The following MRTFA variants were observed in gnomAD, a reference collection of about 807,000 sequenced individuals.
MRTFA encodes myocardin-related transcription factor A.
In MRTFA, 20 loss-of-function variants were observed where a neutral mutation model predicts 83.5. That is an observed-to-expected ratio of 0.24 (90% CI 0.17 to 0.35). The LOEUF is 0.35. Among genes scored for constraint, MRTFA ranks in the 10% least tolerant of loss-of-function variants. The probability of loss-of-function intolerance (pLI) is 1.00; values close to 1 mark genes in which losing one functional copy is unlikely to be tolerated. For synonymous variants in MRTFA, 659 were observed against 541.2 expected (o/e 1.22, Z -3.02); for missense variants, 1,200 against 1,224.7 (o/e 0.98, Z 0.30).
chr22:40,598,480 A>C (rs528945337), intron 1 of MRTFA, among the ~76,000 whole-genome samples: 356 of 152,312 alleles, frequency 2.3e-3, no homozygotes, highest in Non-Finnish European at 4.3e-3. Flanking sequence ...TTTCATTTTC[A>C]GTTGGGGAAC....
In MRTFA at chr22:40,455,049, C is replaced by A. The variant is rs141574736; in HGVS notation, c.307+8172G>T. On this transcript the variant is annotated intron_variant, in intron 4 of 14. Transcript: ENST00000355630. ...TCCTGGGCTCAAGAGACCTTCCTGCCTTGGCCTCACCATGTGCTGGGACTG... is the reference window on the plus strand; with the variant it reads ...TCCTGGGCTCAAGAGACCTTCCTGCATTGGCCTCACCATGTGCTGGGACTG... 2.1e-4 allele frequency among the ~76,000 whole-genome samples: 32 copies of A among 152,304 alleles called. No homozygotes were observed. In the East Asian group the frequency reaches 6.2e-3, roughly 29 times the overall value.
Position 40,429,779 on chromosome 22 carries a change from A to G in MRTFA, c.440-12T>C. ...CTCAGCCGAGGTCTCTGCCCATGGG[A>G]GAGAAAGGGGTGCAGGAAGATATAT... On this transcript the variant is annotated splice_polypyrimidine_tract_variant and intron_variant, in intron 6 of 14. Coordinates refer to ENST00000355630, the MANE Select transcript of MRTFA (RefSeq NM_020831.6). 1 of 1,601,964 alleles carries G rather than the reference A, an allele frequency of 6.2e-7. No individual in the cohort carries two copies. Among genetic ancestry groups the G allele is most frequent in the Non-Finnish European group, 8.5e-7 (1 of 1,174,300 alleles).
In MRTFA at chr22:40,463,212, G is replaced by C. The variant is rs2053746137; in HGVS notation, c.307+9C>G. 6.2e-7 allele frequency: 1 copy of C among 1,613,116 alleles called. No individual in the cohort carries two copies. Among genetic ancestry groups the C allele is most frequent in the South Asian group, 1.1e-5 (1 of 91,052 alleles). On this transcript the variant is annotated intron_variant, in intron 4 of 14. Coordinates refer to ENST00000355630, the MANE Select transcript of MRTFA (RefSeq NM_020831.6). ...AATCTACCAAATGCTGAGAGAGAGA[G>C]GCACTTACGCGGCATGATCCCTTGG... is the stretch of plus-strand genomic sequence containing the variant.
intron 1 of MRTFA, among the ~76,000 whole-genome samples, chr22:40,595,863 CTTTTTTTTTTT>C (rs35215701): frequency 2.6e-5 from 2 of 78,116 alleles, no homozygotes; most frequent in African/African-American, 9.7e-5. Flanking sequence ...TATCTAAAGT[CTTTTTTTTTTT>C]TTTTTTTTTT....
intron 14 of MRTFA, among the ~76,000 whole-genome samples, chr22:40,413,517 C>T (rs938387760): frequency 1.3e-5 from 2 of 151,962 alleles, no homozygotes; most frequent in Non-Finnish European, 2.9e-5. Flanking sequence ...CCATGTTGGT[C>T]AGGCTGGTCT....
Position 40,466,969 on chromosome 22 carries a change from G to GCA in MRTFA, c.242-3684_242-3683insTG, listed in dbSNP as rs1555976072. On this transcript the variant is annotated intron_variant, in intron 3 of 14. Coordinates refer to ENST00000355630, the MANE Select transcript of MRTFA (RefSeq NM_020831.6). ...ACACAACCGTGTATATATTATGCAT[G>GCA]TATATATATATATATATTTATACAC... Among the ~76,000 whole-genome samples the GCA allele has an allele frequency of 1.9e-4, 29 of 150,092 alleles. No individual in the cohort carries two copies. In the East Asian group the frequency reaches 2.5e-3, roughly 13 times the overall value.
At chr22:40,618,918 G>A (rs1470531024) in intron 1 of MRTFA, among the ~76,000 whole-genome samples, 3 of 151,740 alleles carry the variant, frequency 2.0e-5, no homozygotes, top group Admixed American at 6.6e-5. Flanking sequence ...CCAAGACTGC[G>A]CCACTGCACT....
At chr22:40,419,647 TCCCCAGC>T (rs543929669) in intron 11 of MRTFA, among the ~76,000 whole-genome samples, 6 of 152,226 alleles carry the variant, frequency 3.9e-5, no homozygotes, top group East Asian at 1.9e-4. Flanking sequence ...CCCACAGCTG[TCCCCAGC>T]CCCCAGCCCC....
At chr22:40,622,408 G>A (rs1203571339) in intron 1 of MRTFA, among the ~76,000 whole-genome samples, 8 of 151,818 alleles carry the variant, frequency 5.3e-5, no homozygotes, top group Non-Finnish European at 7.4e-5. Context: ...TTAAACCTGG[G>A]AGGCAGAGGT....
intron 2 of MRTFA, among the ~76,000 whole-genome samples, chr22:40,563,711 G>C (rs534301982): frequency 6.6e-6 from 1 of 152,278 alleles, no homozygotes; most frequent in Admixed American, 6.5e-5. Flanking sequence ...GCCAGGTGCT[G>C]TCTGGGTATT....
At chr22:40,534,347 T>C (rs1297954765) in intron 3 of MRTFA, among the ~76,000 whole-genome samples, 1 of 152,268 alleles carries the variant, frequency 6.6e-6, no homozygotes, top group Non-Finnish European at 1.5e-5. Flanking sequence ...TCCAGAGCTG[T>C]AATCTGTCTT....
intron 1 of MRTFA, among the ~76,000 whole-genome samples, chr22:40,626,872 C>CACAA (rs1251186664): frequency 7.3e-5 from 11 of 150,608 alleles, no homozygotes; most frequent in Non-Finnish European, 1.0e-4. Flanking sequence ...CTCAAACACA[C>CACAA]ACACACACAC....
chr22:40,472,981 C>A (rs1281126738), intron 3 of MRTFA, among the ~76,000 whole-genome samples: 1 of 152,112 alleles, frequency 6.6e-6, no homozygotes, highest in Non-Finnish European at 1.5e-5. Flanking sequence ...TAGACTACCA[C>A]TAAAGGTTTG....
Position 40,435,574 on chromosome 22 carries a change from A to G in MRTFA, c.308-20T>C, listed in dbSNP as rs374802007. 1.2e-6 allele frequency: 2 copies of G among 1,613,582 alleles called. No homozygotes were observed. Among genetic ancestry groups the G allele is most frequent in the Middle Eastern group, 3.3e-4 (2 of 6,062 alleles). On this transcript the variant is annotated intron_variant, in intron 4 of 14. Transcript: ENST00000355630. ...TCAAAGCTGTTGAGAGAAGAACCGT[A>G]AAGATTACCTTCAAGCGAAGCATCA...
At chr22:40,624,085 T>G (rs984178963) in intron 1 of MRTFA, among the ~76,000 whole-genome samples, 1 of 151,230 alleles carries the variant, frequency 6.6e-6, no homozygotes, top group South Asian at 2.1e-4. Context: ...GCCTGAGAAA[T>G]GGAGGAAGAT....
intron 3 of MRTFA, among the ~76,000 whole-genome samples, chr22:40,529,061 C>G (rs951538738): frequency 9.9e-5 from 15 of 152,162 alleles, no homozygotes; most frequent in Non-Finnish European, 1.5e-4. Flanking sequence ...GTGATGTGAA[C>G]CCAAATGGGG....
intron 3 of MRTFA, among the ~76,000 whole-genome samples, chr22:40,464,841 T>A (rs1451410903): frequency 6.6e-6 from 1 of 152,164 alleles, no homozygotes; most frequent in East Asian, 1.9e-4. Context: ...GATATCACTA[T>A]CTTTCCCAGT....
intron 1 of MRTFA, among the ~76,000 whole-genome samples, chr22:40,625,271 G>C (rs913048230): frequency 6.6e-6 from 1 of 151,628 alleles, no homozygotes; most frequent in Admixed American, 6.6e-5. Flanking sequence ...CTTGAGCCCA[G>C]GAGATCAAGA....
At chr22:40,480,579 G>A (rs1247996122) in intron 3 of MRTFA, among the ~76,000 whole-genome samples, 1 of 152,016 alleles carries the variant, frequency 6.6e-6, no homozygotes, top group African/African-American at 2.4e-5. Context: ...GAACTCTGGA[G>A]ACTGAAAACA....
Sources: allele counts gnomAD v4.1 joint callset (sites outside exome capture counted in the v4.1 genomes callset), GRCh38; gene constraint gnomAD v4.1.1; transcripts MANE v1.5; gene names NCBI Gene and HGNC (gene_info 2026-07-23, HGNC 2026-07-21).